EYA2: variants seen among roughly 807,000 people sequenced by gnomAD.
The protein encoded by EYA2 is protein phosphatase EYA2.
In EYA2, 31 loss-of-function variants were observed where a neutral mutation model predicts 69.2. The observed-to-expected ratio is 0.45, with a 90% confidence interval of 0.34 to 0.60. The LOEUF (loss-of-function observed/expected upper bound fraction) is 0.60, where lower values mean the gene tolerates loss of function less well. Ranked by LOEUF, EYA2 falls within the 20% of genes least tolerant of loss-of-function variation. The pLI, the probability that EYA2 is intolerant of heterozygous loss-of-function variation, is 0.02. For synonymous variants in EYA2, 257 were observed against 279.4 expected, an observed-to-expected ratio of 0.92 and a Z score of 0.80; for missense variants, 622 against 701.2, an observed-to-expected ratio of 0.89 and a Z score of 1.28.
rs10679607 is a variant in EYA2 at position 47,143,231 on chromosome 20, C to CTTTCTTTTTCTT, written c.978+93_978+104dup. 1.4e-4 allele frequency: 167 copies of CTTTCTTTTTCTT among 1,177,764 alleles called. 1 individual carries two copies. In the African/African-American group the frequency reaches 2.3e-3, roughly 16 times the overall value. 73.0% of individuals were successfully genotyped at this position (1,177,764 alleles called of 1,614,324 possible). ...TATGGGAAGAAGGATGCTGCCTTTC[C>CTTTCTTTTTCTT]TTTCTTTTTCTTTTTCTTTTTTTCT... On this transcript the variant is annotated intron_variant, in intron 10 of 15. Coordinates refer to ENST00000327619, the MANE Select transcript of EYA2 (RefSeq NM_005244.5).
At chr20:47,164,836 CA>C (rs1290283726) in intron 10 of EYA2, among the ~76,000 whole-genome samples, 1 of 152,164 alleles carries the variant, frequency 6.6e-6, no homozygotes, top group Non-Finnish European at 1.5e-5. Context: ...GGACATCCCC[CA>C]AGTTTACATA....
At chr20:47,014,628 ATGTGTGTGTGTGTGTGTG>A (rs56005987) in intron 4 of EYA2, among the ~76,000 whole-genome samples, 12 of 144,708 alleles carry the variant, frequency 8.3e-5, no homozygotes, top group African/African-American at 2.5e-4. Flanking sequence ...TGTGCACAAA[ATGTGTGTGTGTGTGTGTG>A]TGTGTGTGTG....
chr20:46,920,233 T>TA (rs1985119047), intron 1 of EYA2, among the ~76,000 whole-genome samples: 3 of 38,586 alleles, frequency 7.8e-5, no homozygotes, highest in Non-Finnish European at 1.8e-4. Context: ...TTTAATTTGT[T>TA]TAAAAAAAAA....
intron 2 of EYA2, 49 bp downstream of exon 2, chr20:46,990,168 T>G: frequency 1.0e-6 from 1 of 989,028 alleles, no homozygotes; most frequent in Non-Finnish European, 1.6e-6. Context: ...TGGTCCTAGG[T>G]CACCCTGAGA....
intron 1 of EYA2, among the ~76,000 whole-genome samples, chr20:46,986,043 G>C (rs1981159410): frequency 6.6e-6 from 1 of 151,980 alleles, no homozygotes; most frequent in Admixed American, 6.6e-5. Flanking sequence ...AAGGGAATGA[G>C]TTTAGATAAG....
chr20:46,982,478 G>C lies in EYA2; in HGVS notation c.-10-7523G>C, dbSNP rs75698291. On this transcript the variant is annotated intron_variant, in intron 1 of 15. Transcript: ENST00000327619. ...ACAGAACTTCTTGATTCCATGACTT[G>C]ATATCTGTCATCCATCTGGCAAGGT... Among the ~76,000 whole-genome samples the C allele has an allele frequency of 9.9e-3, 1,511 of 152,206 alleles. 28 individuals carry two copies. The highest frequency in any genetic ancestry group is 0.034 in the African/African-American group (1,430 of 41,520).
chr20:46,999,825 A>G (rs1287323270), intron 2 of EYA2, among the ~76,000 whole-genome samples: 1 of 152,188 alleles, frequency 6.6e-6, no homozygotes, highest in Non-Finnish European at 1.5e-5. Flanking sequence ...AAGGCACTTG[A>G]CCTTCGGAGC....
chr20:47,169,905 T>C (rs2034284258), intron 11 of EYA2, among the ~76,000 whole-genome samples: 1 of 152,042 alleles, frequency 6.6e-6, no homozygotes, highest in African/African-American at 2.4e-5. Context: ...TATATATTTT[T>C]TTCTTTTTCT....
intron 1 of EYA2, among the ~76,000 whole-genome samples, chr20:46,920,973 C>T (rs1323318010): frequency 1.3e-5 from 2 of 152,276 alleles, no homozygotes; most frequent in African/African-American, 2.4e-5. Context: ...AGATGCCCCT[C>T]ATCTAACTGC....
chr20:47,143,542 G>T (rs1415033729), intron 10 of EYA2, among the ~76,000 whole-genome samples: 3 of 152,114 alleles, frequency 2.0e-5, no homozygotes, highest in Non-Finnish European at 2.9e-5. Flanking sequence ...GTGGCCCAGG[G>T]TGGAAGCTTT....
At chr20:47,117,741 G>A (rs926562698) in intron 9 of EYA2, 54 of 961,060 alleles carry the variant, frequency 5.6e-5, no homozygotes, top group Admixed American at 5.5e-4. Context: ...GCCCTCTCTC[G>A]AGGACTATTA....
At chr20:46,971,202 T>A (rs1980124577) in intron 1 of EYA2, among the ~76,000 whole-genome samples, 1 of 152,308 alleles carries the variant, frequency 6.6e-6, no homozygotes, top group African/African-American at 2.4e-5. Context: ...TTTGGCTCTG[T>A]GTAACAAAGA....
intron 1 of EYA2, among the ~76,000 whole-genome samples, chr20:46,974,928 C>T (rs1980368157): frequency 6.6e-6 from 1 of 152,178 alleles, no homozygotes; most frequent in African/African-American, 2.4e-5. Context: ...AATATTGGAA[C>T]ACGCATCGTA....
chr20:46,977,937 C>T (rs1047347850), intron 1 of EYA2, among the ~76,000 whole-genome samples: 5 of 152,210 alleles, frequency 3.3e-5, no homozygotes, highest in African/African-American at 1.2e-4. Context: ...CTGAATTTCA[C>T]TGGCTGGACC....
chr20:47,010,191 A>G (rs1378103235), intron 4 of EYA2, among the ~76,000 whole-genome samples: 1 of 152,212 alleles, frequency 6.6e-6, no homozygotes, highest in Non-Finnish European at 1.5e-5. Context: ...GGATAATGGC[A>G]AAGAATTTTC....
chr20:46,898,253 G>GTTT (rs3085767), intron 1 of EYA2, among the ~76,000 whole-genome samples: 137 of 136,690 alleles, frequency 1.0e-3, no homozygotes, highest in African/African-American at 1.9e-3. Flanking sequence ...TTTTGTGTTG[G>GTTT]TTTTTTTTTT....
chr20:46,905,517 A>G (rs1448381884), intron 1 of EYA2, among the ~76,000 whole-genome samples: 1 of 152,220 alleles, frequency 6.6e-6, no homozygotes, highest in East Asian at 1.9e-4. Context: ...CTTGAACAGC[A>G]CATGGAAAAA....
At chr20:47,181,549 C>T (rs2034538330) in intron 14 of EYA2, among the ~76,000 whole-genome samples, 3 of 152,114 alleles carry the variant, frequency 2.0e-5, no homozygotes, top group African/African-American at 7.2e-5. Flanking sequence ...CATACTGTCA[C>T]TCAATCTGGA....
Position 47,188,052 on chromosome 20 carries a change from G to A in EYA2, c.1537-1G>A, listed in dbSNP as rs6066230. 1 of 1,564,734 alleles carries A rather than the reference G, an allele frequency of 6.4e-7. No homozygotes were observed. Among genetic ancestry groups the A allele is most frequent in the Non-Finnish European group, 8.7e-7 (1 of 1,154,334 alleles). ...CTTGTGGCTGGTGTTCTGTGTTTCA[G>A]CACAACATGCCTTTCTGGCGGATAT... On this transcript the variant is annotated splice_acceptor_variant, in intron 15 of 15. Coordinates refer to ENST00000327619, the MANE Select transcript of EYA2 (RefSeq NM_005244.5). LOFTEE classifies it high-confidence loss of function.
Sources: allele counts gnomAD v4.1 joint callset (sites outside exome capture counted in the v4.1 genomes callset), GRCh38; gene constraint gnomAD v4.1.1; transcripts MANE v1.5; gene names NCBI Gene and HGNC (gene_info 2026-07-23, HGNC 2026-07-21).